The following TAB2 variants were observed in gnomAD, a reference collection of about 807,000 sequenced individuals.
The protein encoded by TAB2 is TGF-beta activated kinase 1 (MAP3K7) binding protein 2, also known as TGF-beta-activated kinase 1 and MAP3K7-binding protein 2.
TAB2 carries 3 observed loss-of-function variants against 65.0 expected under a neutral mutation model. The ratio of observed to expected loss-of-function variants is 0.05; its 90% CI spans 0.02 to 0.12. The LOEUF (loss-of-function observed/expected upper bound fraction) is 0.12. Ranked by LOEUF, TAB2 falls within the 10% of genes least tolerant of loss-of-function variation. The pLI, the probability that TAB2 is intolerant of heterozygous loss-of-function variation, is 1.00. For missense variants in TAB2, 623 were observed against 840.3 expected (o/e 0.74, Z 3.20); for synonymous variants, 298 against 285.1 (o/e 1.05, Z -0.46).
chr6:149,385,452 A>G (rs1781759715), intron 3 of TAB2, among the ~76,000 whole-genome samples: 1 of 152,256 alleles, frequency 6.6e-6, no homozygotes, highest in Non-Finnish European at 1.5e-5. Context: ...GCTTGAGTGC[A>G]GGAGTTCAAG....
chr6:149,381,014 G>A (rs1781587648), intron 3 of TAB2, among the ~76,000 whole-genome samples: 1 of 152,172 alleles, frequency 6.6e-6, no homozygotes, highest in Non-Finnish European at 1.5e-5. Context: ...AGCTAAAGTG[G>A]GAGGACTGCT....
chr6:149,341,704 T>A (rs1178054219), intron 1 of TAB2, among the ~76,000 whole-genome samples: 3 of 152,164 alleles, frequency 2.0e-5, no homozygotes, highest in African/African-American at 7.2e-5. Flanking sequence ...CAAAAACTAC[T>A]TTTACTCTGT....
intron 1 of TAB2, among the ~76,000 whole-genome samples, chr6:149,239,559 T>G (rs562355172): frequency 6.6e-6 from 1 of 152,384 alleles, no homozygotes; most frequent in East Asian, 1.9e-4. Flanking sequence ...TTGGGATATT[T>G]CACTTCAGTT....
chr6:149,391,121 C>G (rs1275257446), intron 3 of TAB2, among the ~76,000 whole-genome samples: 1 of 152,166 alleles, frequency 6.6e-6, no homozygotes, highest in Non-Finnish European at 1.5e-5. Context: ...TGGAAATCCC[C>G]TCATATTTTT....
chr6:149,237,604 A>G (rs1323406998), intron 1 of TAB2, among the ~76,000 whole-genome samples: 2 of 152,192 alleles, frequency 1.3e-5, no homozygotes, highest in African/African-American at 4.8e-5. Flanking sequence ...CCTAAGACCC[A>G]TGCTTTAACA....
At chr6:149,322,266 C>T (rs1583087129) in intron 1 of TAB2, among the ~76,000 whole-genome samples, 2 of 152,090 alleles carry the variant, frequency 1.3e-5, no homozygotes, top group African/African-American at 2.4e-5. Flanking sequence ...CAAAACAGTA[C>T]TGTGCAGAAA....
intron 3 of TAB2, among the ~76,000 whole-genome samples, chr6:149,389,100 C>T (rs1047220583): frequency 6.6e-6 from 1 of 151,852 alleles, no homozygotes; most frequent in Non-Finnish European, 1.5e-5. Flanking sequence ...GGACTACAGG[C>T]ATGCACCACC....
chr6:149,287,891 C>A (rs1049404812), intron 1 of TAB2, among the ~76,000 whole-genome samples: 1 of 152,168 alleles, frequency 6.6e-6, no homozygotes, highest in African/African-American at 2.4e-5. Context: ...CTCAATATGG[C>A]AAAGCTTCAC....
chr6:149,376,541 ATTG>A (rs1234112688), intron 2 of TAB2, among the ~76,000 whole-genome samples: 8 of 152,252 alleles, frequency 5.3e-5, no homozygotes, highest in East Asian at 1.9e-4. Flanking sequence ...TTCACCAAGA[ATTG>A]TTGTTGTTGT....
chr6:149,351,118 A>G (rs1026755488), intron 1 of TAB2, among the ~76,000 whole-genome samples: 1 of 148,384 alleles, frequency 6.7e-6, no homozygotes, highest in Non-Finnish European at 1.5e-5. Flanking sequence ...ATACTTTCCC[A>G]CTTCCTCCTC....
chr6:149,281,572 A>C (rs1432637858), intron 1 of TAB2, among the ~76,000 whole-genome samples: 2 of 150,598 alleles, frequency 1.3e-5, no homozygotes, highest in Non-Finnish European at 3.0e-5. Context: ...AAAAAAAAAA[A>C]AAAAAAAAAC....
intron 1 of TAB2, among the ~76,000 whole-genome samples, chr6:149,326,705 G>C (rs1018979535): frequency 1.3e-5 from 2 of 151,950 alleles, no homozygotes; most frequent in Non-Finnish European, 2.9e-5. Flanking sequence ...CCACCACCCT[G>C]CCTGGCTAAT....
chr6:149,389,472 C>T (rs950373425), intron 3 of TAB2, among the ~76,000 whole-genome samples: 5 of 151,624 alleles, frequency 3.3e-5, no homozygotes, highest in South Asian at 2.1e-4. Context: ...ATGGAGAAAC[C>T]CCGTCTTTAC....
At chr6:149,223,681 C>A (rs1288311418) in intron 1 of TAB2, among the ~76,000 whole-genome samples, 1 of 152,164 alleles carries the variant, frequency 6.6e-6, no homozygotes, top group East Asian at 1.9e-4. Context: ...GTTGTTTCAG[C>A]TGCTTATGTA....
At position 149,372,182 on chromosome 6, in the gene TAB2, TC is replaced by T. The variant is rs972428250; in HGVS notation, c.102+2084del. On this transcript the variant is annotated intron_variant, in intron 2 of 6. Coordinates refer to ENST00000637181, the MANE Select transcript of TAB2 (RefSeq NM_001292034.3). ...TTTGTAGAATTACTTTAAAATATTT[TC>T]AAAAAAAAAATAGAGCACTCTAATG... Among the ~76,000 whole-genome samples, 4 of 149,064 alleles carry T rather than the reference TC, an allele frequency of 2.7e-5. No individual in the cohort carries two copies. The South Asian group carries it at 6.3e-4, about 23-fold the overall frequency.
At chr6:149,355,004 G>A (rs962949405) in intron 1 of TAB2, among the ~76,000 whole-genome samples, 1 of 152,144 alleles carries the variant, frequency 6.6e-6, no homozygotes, top group African/African-American at 2.4e-5. Flanking sequence ...GATACAGATT[G>A]CCAAATTGAC....
At chr6:149,254,360 G>T (rs1439736450) in intron 1 of TAB2, among the ~76,000 whole-genome samples, 2 of 152,150 alleles carry the variant, frequency 1.3e-5, no homozygotes, top group Non-Finnish European at 2.9e-5. Context: ...GTGATTTGGT[G>T]CATGTCTTTA....
chr6:149,220,923 T>A (rs1314396592), intron 1 of TAB2: 2 of 152,164 alleles, frequency 1.3e-5, no homozygotes, highest in Non-Finnish European at 2.9e-5. Context: ...GGCTGAAGAT[T>A]CAAGTTTTTA....
At chr6:149,309,862 C>G (rs1284590692) in intron 1 of TAB2, among the ~76,000 whole-genome samples, 1 of 137,544 alleles carries the variant, frequency 7.3e-6, no homozygotes, top group African/African-American at 3.0e-5. Flanking sequence ...CCAGGACACA[C>G]TGTGTGTGTG....
Sources: allele counts gnomAD v4.1 joint callset (sites outside exome capture counted in the v4.1 genomes callset), GRCh38; gene constraint gnomAD v4.1.1; transcripts MANE v1.5; gene names NCBI Gene and HGNC (gene_info 2026-07-23, HGNC 2026-07-21).